GLIS1: variants seen among roughly 807,000 people sequenced by gnomAD.
The protein encoded by GLIS1 is GLIS family zinc finger 1.
A neutral mutation model predicts 63.8 loss-of-function variants in GLIS1; 24 were observed. The ratio of observed to expected loss-of-function variants is 0.38; its 90% CI spans 0.27 to 0.53. GLIS1 has a LOEUF of 0.53. Among genes scored for constraint, GLIS1 ranks in the 20% least tolerant of loss-of-function variants. The probability of loss-of-function intolerance (pLI) is 0.85; values close to 1 mark genes in which losing one functional copy is unlikely to be tolerated. For missense variants in GLIS1, 1,036 were observed against 1,074.1 expected (o/e 0.96, Z 0.50); for synonymous variants, 450 against 482.5 (o/e 0.93, Z 0.88).
At chr1:53,698,643 C>T (rs1034026721) in intron 2 of GLIS1, among the ~76,000 whole-genome samples, 8 of 152,188 alleles carry the variant, frequency 5.3e-5, no homozygotes, top group Non-Finnish European at 1.2e-4. Context: ...CACCTGGGTC[C>T]GGGTAGACCG....
At chr1:53,548,052 C>T (rs1266659558) in intron 4 of GLIS1, among the ~76,000 whole-genome samples, 1 of 152,276 alleles carries the variant, frequency 6.6e-6, no homozygotes, top group Admixed American at 6.5e-5. Flanking sequence ...TCCCGCCTCC[C>T]TGCTGGCCGC....
chr1:53,527,524 C>T (rs966072290), intron 5 of GLIS1, among the ~76,000 whole-genome samples: 2 of 152,214 alleles, frequency 1.3e-5, no homozygotes, highest in African/African-American at 4.8e-5. Flanking sequence ...CTCAGACCTC[C>T]AGGACCAGGA....
chr1:53,661,738 G>A (rs1312959189), intron 2 of GLIS1, among the ~76,000 whole-genome samples: 6 of 152,198 alleles, frequency 3.9e-5, no homozygotes, highest in Non-Finnish European at 8.8e-5. Context: ...CCTCTCTGGG[G>A]TGGCCCCAGG....
At chr1:53,575,460 A>T (rs1645023891) in intron 4 of GLIS1, among the ~76,000 whole-genome samples, 1 of 152,086 alleles carries the variant, frequency 6.6e-6, no homozygotes, top group Non-Finnish European at 1.5e-5. Context: ...CTCCTGGGAC[A>T]CCCTTCCTGT....
intron 4 of GLIS1, among the ~76,000 whole-genome samples, chr1:53,554,771 G>A (rs958526184): frequency 6.6e-6 from 1 of 152,198 alleles, no homozygotes; most frequent in African/African-American, 2.4e-5. Context: ...GACAGGCTGG[G>A]GCACATTCCC....
intron 4 of GLIS1, among the ~76,000 whole-genome samples, chr1:53,552,992 A>G (rs1160899838): frequency 6.6e-6 from 1 of 152,222 alleles, no homozygotes; most frequent in Non-Finnish European, 1.5e-5. Context: ...TGCTCCAGGA[A>G]TCAGCTGGTG....
chr1:53,658,138 T>C (rs1037366098), intron 2 of GLIS1, among the ~76,000 whole-genome samples: 4 of 152,186 alleles, frequency 2.6e-5, no homozygotes, highest in Admixed American at 6.5e-5. Flanking sequence ...GTACATGCTG[T>C]TCCCTCTGCC....
intron 2 of GLIS1, among the ~76,000 whole-genome samples, chr1:53,678,226 G>A (rs532870845): frequency 1.3e-5 from 2 of 151,976 alleles, no homozygotes; most frequent in South Asian, 4.2e-4. Flanking sequence ...GCCACGCTGA[G>A]CTGCAGCTCG....
At chr1:53,568,609 G>A (rs1165869395) in intron 4 of GLIS1, among the ~76,000 whole-genome samples, 1 of 152,130 alleles carries the variant, frequency 6.6e-6, no homozygotes, top group East Asian at 1.9e-4. Context: ...CAGGTATCAG[G>A]GAAGGGGCCT....
chr1:53,579,958 C>G (rs1460070820), intron 4 of GLIS1, among the ~76,000 whole-genome samples: 1 of 152,198 alleles, frequency 6.6e-6, no homozygotes, highest in Non-Finnish European at 1.5e-5. Flanking sequence ...CAATTGGACA[C>G]GGTTATCATT....
chr1:53,552,752 T>C (rs1235952062), intron 4 of GLIS1, among the ~76,000 whole-genome samples: 2 of 152,244 alleles, frequency 1.3e-5, no homozygotes, highest in Non-Finnish European at 2.9e-5. Context: ...GACCACGGGC[T>C]GGCAGCCCCA....
Position 53,506,597 on chromosome 1 carries a change from G to A in GLIS1, c.*22C>T. 2.5e-6 allele frequency: 4 copies of A among 1,611,720 alleles called. No homozygotes were observed. The East Asian group carries it at 8.9e-5, about 36-fold the overall frequency. Reference sequence around the variant, plus strand: ...AGGTGGCATCTGCAGTGCTGGATGGGCAGGCGCATGTGGGGGCTCCTTCAG... The same window carrying A: ...AGGTGGCATCTGCAGTGCTGGATGGACAGGCGCATGTGGGGGCTCCTTCAG... On this transcript the variant is annotated 3_prime_UTR_variant, in exon 11 of 11. Coordinates refer to ENST00000628545, the MANE Select transcript of GLIS1 (RefSeq NM_001367484.1).
chr1:53,657,796 G>A (rs940450249), intron 2 of GLIS1, among the ~76,000 whole-genome samples: 2 of 152,182 alleles, frequency 1.3e-5, no homozygotes, highest in Non-Finnish European at 1.5e-5. Flanking sequence ...GCAAATTCCT[G>A]ACTCAAAAAA....
At chr1:53,708,065 A>G (rs1029202079) in intron 2 of GLIS1, among the ~76,000 whole-genome samples, 4 of 151,886 alleles carry the variant, frequency 2.6e-5, no homozygotes, top group Non-Finnish European at 1.5e-5. Context: ...GGCAGATCAC[A>G]AGGTCAGGAG....
intron 2 of GLIS1, among the ~76,000 whole-genome samples, chr1:53,686,527 G>GCA (rs372891880): frequency 6.6e-6 from 1 of 152,326 alleles, no homozygotes; most frequent in Non-Finnish European, 1.5e-5. Context: ...GACCCTGGAG[G>GCA]CACAGATGAA....
chr1:53,517,646 T>G (rs1196640622), intron 7 of GLIS1, among the ~76,000 whole-genome samples: 9 of 151,624 alleles, frequency 5.9e-5, no homozygotes, highest in Non-Finnish European at 1.0e-4. Context: ...AGGGGTTGGG[T>G]GGGGGGTCTC....
intron 2 of GLIS1, among the ~76,000 whole-genome samples, chr1:53,649,557 C>CA (rs906182808): frequency 1.3e-5 from 2 of 152,140 alleles, no homozygotes; most frequent in African/African-American, 4.8e-5. Flanking sequence ...TATGAACTGC[C>CA]ACTGGTGATG....
intron 2 of GLIS1, among the ~76,000 whole-genome samples, chr1:53,677,659 TGG>T: frequency 6.6e-6 from 1 of 152,360 alleles, no homozygotes; most frequent in South Asian, 2.1e-4. Flanking sequence ...TCCCAGGGCC[TGG>T]GCCCCAGTCC....
At chr1:53,722,084 T>C (rs1296221632) in intron 2 of GLIS1, among the ~76,000 whole-genome samples, 1 of 152,122 alleles carries the variant, frequency 6.6e-6, no homozygotes, top group Non-Finnish European at 1.5e-5. Context: ...AACAAACATA[T>C]AATGAAACCA....
Sources: gnomAD v4.1 joint callset for allele counts (sites outside exome capture counted in the v4.1 genomes callset) on GRCh38, gnomAD v4.1.1 for gene constraint, MANE v1.5 for transcripts, NCBI Gene and HGNC (gene_info 2026-07-23, HGNC 2026-07-21) for gene names.